OR4N2: variants seen among roughly 807,000 people sequenced by gnomAD.
OR4N2 encodes olfactory receptor family 4 subfamily N member 2.
For missense variants in OR4N2, 307 were observed against 377.6 expected (o/e 0.81, Z 1.55); for synonymous variants, 141 against 140.4 (o/e 1.00, Z -0.03).
intron 1 of OR4N2, among the ~76,000 whole-genome samples, chr14:19,812,987 G>C (rs1879339132): frequency 6.6e-6 from 1 of 152,180 alleles, no homozygotes; most frequent in South Asian, 2.1e-4. Flanking sequence ...AGATTATCTA[G>C]AGGAAAAAAT....
chr14:19,814,436 A>G (rs1253677404), intron 1 of OR4N2, among the ~76,000 whole-genome samples: 5 of 152,106 alleles, frequency 3.3e-5, no homozygotes, highest in African/African-American at 1.2e-4. Flanking sequence ...TGTCCTTATC[A>G]CCGTCAACAT....
intron 1 of OR4N2, among the ~76,000 whole-genome samples, chr14:19,807,208 A>G (rs1879185424): frequency 1.3e-5 from 2 of 152,026 alleles, no homozygotes; most frequent in South Asian, 4.1e-4. Context: ...CAAAGCTAGC[A>G]GAATAACAGA....
chr14:19,826,311 G>A (rs1486714659), intron 1 of OR4N2, among the ~76,000 whole-genome samples: 1 of 152,092 alleles, frequency 6.6e-6, no homozygotes. Flanking sequence ...AAGCAATATG[G>A]GAGTGATTTT....
chr14:19,808,844 T>G (rs1444216827), intron 1 of OR4N2, among the ~76,000 whole-genome samples: 1 of 141,818 alleles, frequency 7.1e-6, no homozygotes, highest in Non-Finnish European at 1.6e-5. Flanking sequence ...GTAAAAAAAA[T>G]GAAACTAGAG....
At chr14:19,822,017 CAAG>C (rs1879579954) in intron 1 of OR4N2, 1 of 152,220 alleles carries the variant, frequency 6.6e-6, no homozygotes, top group East Asian at 1.9e-4. Context: ...ATACAAGAAA[CAAG>C]AAGAAAGGGA....
intron 1 of OR4N2, chr14:19,822,013 G>A (rs1284639247): frequency 6.6e-6 from 1 of 152,222 alleles, no homozygotes; most frequent in Non-Finnish European, 1.5e-5. Context: ...ATATATACAA[G>A]AAACAAGAAG....
Position 19,828,609 on chromosome 14 carries a change from T to C in OR4N2, c.*237T>C. ...TAAACAGCATAGTTTCAGGAAGAGA[T>C]ACTGCTCTGTAAAAACTAAAAAGAA... On this transcript the variant is annotated 3_prime_UTR_variant, in exon 2 of 2. Coordinates refer to ENST00000557677, the MANE Select transcript of OR4N2 (RefSeq NM_001004723.3). 2.3e-6 allele frequency: 1 copy of C among 444,058 alleles called. No individual in the cohort carries two copies. Among genetic ancestry groups the C allele is most frequent in the Non-Finnish European group, 4.0e-6 (1 of 249,950 alleles). 27.5% of individuals were successfully genotyped at this position (444,058 alleles called of 1,614,324 possible).
intron 1 of OR4N2, among the ~76,000 whole-genome samples, chr14:19,804,604 G>C (rs1365682959): frequency 1.3e-5 from 2 of 152,200 alleles, no homozygotes; most frequent in Non-Finnish European, 2.9e-5. Flanking sequence ...GCTGAAAATT[G>C]TTTTATGATC....
intron 1 of OR4N2, among the ~76,000 whole-genome samples, chr14:19,805,566 A>G (rs1879141922): frequency 6.6e-6 from 1 of 152,220 alleles, no homozygotes. Flanking sequence ...TTAAAAGTGA[A>G]CAAAACTTCT....
chr14:19,825,885 A>G (rs1159500010), intron 1 of OR4N2, among the ~76,000 whole-genome samples: 3 of 152,244 alleles, frequency 2.0e-5, no homozygotes, highest in African/African-American at 7.2e-5. Flanking sequence ...AAACAAATAC[A>G]CTGTTTAGTT....
intron 1 of OR4N2, chr14:19,821,813 T>C (rs375847197): frequency 6.6e-6 from 1 of 152,276 alleles, no homozygotes; most frequent in Non-Finnish European, 1.5e-5. Flanking sequence ...CAGTGGGTCA[T>C]GGTAGTCTCA....
At chr14:19,811,465 C>G (rs556428669) in intron 1 of OR4N2, among the ~76,000 whole-genome samples, 1 of 152,354 alleles carries the variant, frequency 6.6e-6, no homozygotes, top group East Asian at 1.9e-4. Context: ...CCAGGATGGT[C>G]TCAATCTCCT....
At chr14:19,826,279 A>C (rs935298320) in intron 1 of OR4N2, among the ~76,000 whole-genome samples, 2 of 152,250 alleles carry the variant, frequency 1.3e-5, no homozygotes, top group Admixed American at 6.5e-5. Context: ...TTTTATTTAA[A>C]CAAGGTTGAA....
rs527850391 is a variant in OR4N2 at position 19,805,843 on chromosome 14, C to T, written c.-10+1999C>T. 1.2e-4 allele frequency among the ~76,000 whole-genome samples: 18 copies of T among 152,198 alleles called. No homozygotes were observed. In the Middle Eastern group the frequency reaches 0.01, roughly 86 times the overall value. On this transcript the variant is annotated intron_variant, in intron 1 of 1. Coordinates refer to ENST00000557677, the MANE Select transcript of OR4N2 (RefSeq NM_001004723.3). ...CTAGAAAGAAAGGTCAGGTTATGTA[C>T]GAAGGGAACCCCATCAGGCTAGCAG...
intron 1 of OR4N2, among the ~76,000 whole-genome samples, chr14:19,804,315 A>G (rs1292294484): frequency 6.6e-6 from 1 of 151,606 alleles, no homozygotes; most frequent in Non-Finnish European, 1.5e-5. Flanking sequence ...AATCTTTCCA[A>G]TCTTCTGATG....
intron 1 of OR4N2, among the ~76,000 whole-genome samples, chr14:19,805,754 C>T (rs1331652303): frequency 6.6e-6 from 1 of 152,082 alleles, no homozygotes; most frequent in Non-Finnish European, 1.5e-5. Flanking sequence ...GGCTAGATAT[C>T]GTACGAGATG....
chr14:19,809,358 G>C (rs1025671054), intron 1 of OR4N2, among the ~76,000 whole-genome samples: 6 of 152,092 alleles, frequency 3.9e-5, no homozygotes, highest in Admixed American at 2.6e-4. Context: ...TTGACAAGTC[G>C]GGCCTAATTA....
At chr14:19,825,129 T>G (rs1373059478) in intron 1 of OR4N2, among the ~76,000 whole-genome samples, 1 of 152,258 alleles carries the variant, frequency 6.6e-6, no homozygotes, top group Non-Finnish European at 1.5e-5. Flanking sequence ...TATTACAATT[T>G]TGTGTGTGTT....
chr14:19,811,046 G>A (rs1428490452), intron 1 of OR4N2, among the ~76,000 whole-genome samples: 2 of 152,212 alleles, frequency 1.3e-5, no homozygotes, highest in Non-Finnish European at 2.9e-5. Context: ...CAACCAGGGA[G>A]TTTTCTAAAA....
Sources: gnomAD v4.1 joint callset for allele counts (sites outside exome capture counted in the v4.1 genomes callset) on GRCh38, gnomAD v4.1.1 for gene constraint, MANE v1.5 for transcripts, NCBI Gene and HGNC (gene_info 2026-07-23, HGNC 2026-07-21) for gene names.